Variants in SP140 observed in about 807,000 individuals in gnomAD.
SP140 encodes nuclear body protein SP140.
A neutral mutation model predicts 125.0 loss-of-function variants in SP140; 81 were observed. That is an observed-to-expected ratio of 0.65 (90% CI 0.54 to 0.78). The LOEUF is 0.78. Ranked by LOEUF, SP140 falls within the 30% of genes least tolerant of loss-of-function variation. The pLI, the probability that SP140 is intolerant of heterozygous loss-of-function variation, is 0.00. For synonymous variants in SP140, 312 were observed against 354.0 expected, an observed-to-expected ratio of 0.88 and a Z score of 1.33; for missense variants, 858 against 1,037.0, an observed-to-expected ratio of 0.83 and a Z score of 2.37.
chr2:230,301,006 A>T (rs1467039584), intron 22 of SP140, among the ~76,000 whole-genome samples: 1 of 152,224 alleles, frequency 6.6e-6, no homozygotes, highest in Non-Finnish European at 1.5e-5. Context: ...AATACAAAAT[A>T]CACTGGCAAG....
chr2:230,283,701 T>C (rs1222940917), intron 15 of SP140, among the ~76,000 whole-genome samples: 1 of 152,146 alleles, frequency 6.6e-6, no homozygotes, highest in East Asian at 1.9e-4. Context: ...ATCAGTGCAC[T>C]GTGGAGTCAC....
Position 230,312,044 on chromosome 2 carries a change from A to G in SP140, c.2505+449A>G, listed in dbSNP as rs565489831. ...TGACAGAGAAAGGAACAGATCAGTG[A>G]TCTTACCTTATACCCTTCCACTATC... is the stretch of plus-strand genomic sequence containing the variant. On this transcript the variant is annotated intron_variant, in intron 26 of 26. Coordinates refer to ENST00000392045, the MANE Select transcript of SP140 (RefSeq NM_007237.5). 3.9e-5 allele frequency among the ~76,000 whole-genome samples: 6 copies of G among 152,318 alleles called. No homozygotes were observed. In the South Asian group the frequency reaches 1.0e-3, roughly 26 times the overall value.
At chr2:230,266,061 A>C (rs2149327351) in intron 12 of SP140, among the ~76,000 whole-genome samples, 1 of 152,284 alleles carries the variant, frequency 6.6e-6, no homozygotes, top group African/African-American at 2.4e-5. Flanking sequence ...TATTTGGGTC[A>C]AATGTAGGGA....
chr2:230,263,201 C>T (rs369823028), intron 12 of SP140, among the ~76,000 whole-genome samples: 23 of 152,140 alleles, frequency 1.5e-4, no homozygotes, highest in African/African-American at 4.1e-4. Context: ...GGCTTTTTAC[C>T]GTTGTATAAT....
chr2:230,285,424 A>G (rs980659341), intron 16 of SP140, among the ~76,000 whole-genome samples: 1 of 152,208 alleles, frequency 6.6e-6, no homozygotes, highest in Non-Finnish European at 1.5e-5. Flanking sequence ...AAGAAAAAAA[A>G]GTGGCTGCGT....
chr2:230,296,247 TA>T lies in SP140; in HGVS notation c.2017-1167del, dbSNP rs533959382. On this transcript the variant is annotated intron_variant, in intron 21 of 26. Coordinates refer to ENST00000392045, the MANE Select transcript of SP140 (RefSeq NM_007237.5). ...CTGAGTGAGACTCTGTCTCAAAAAA[TA>T]AAAAAAGTTTTAAATTTATTGTCAA... Among the ~76,000 whole-genome samples, 3 of 152,098 alleles carry T rather than the reference TA, an allele frequency of 2.0e-5. No individual in the cohort carries two copies. The East Asian group carries it at 5.8e-4, about 29-fold the overall frequency.
At chr2:230,218,479 G>T (rs2045476692) in intron 3 of SP140, among the ~76,000 whole-genome samples, 1 of 152,168 alleles carries the variant, frequency 6.6e-6, no homozygotes, top group South Asian at 2.1e-4. Flanking sequence ...ATATGCACAG[G>T]GGAAGGAGAT....
intron 20 of SP140, among the ~76,000 whole-genome samples, chr2:230,293,157 G>A (rs1320766820): frequency 6.6e-6 from 1 of 152,154 alleles, no homozygotes; most frequent in Admixed American, 6.5e-5. Context: ...CAGAACCATG[G>A]CAAAAGTAGC....
chr2:230,192,974 T>C, the SP140 span, among the ~76,000 whole-genome samples: 1 of 152,194 alleles, frequency 6.6e-6, no homozygotes, highest in Admixed American at 6.5e-5. Flanking sequence ...TATTATTGTG[T>C]TGTTGTCTTA....
chr2:230,230,173 TA>T (rs993419326), intron 1 of SP140, among the ~76,000 whole-genome samples: 7 of 152,138 alleles, frequency 4.6e-5, no homozygotes, highest in African/African-American at 1.4e-4. Flanking sequence ...CTAGGCTTTT[TA>T]AAGGATAGTT....
intron 2 of SP140, 62 bp from the exon 3 acceptor site, chr2:230,238,151 C>A: frequency 1.6e-6 from 2 of 1,237,052 alleles, no homozygotes; most frequent in Non-Finnish European, 2.3e-6. Context: ...TATCTACAAC[C>A]TAAAAGTCTT....
the SP140 span, among the ~76,000 whole-genome samples, chr2:230,196,689 C>T: frequency 6.6e-6 from 1 of 151,712 alleles, no homozygotes; most frequent in African/African-American, 2.4e-5. Context: ...CTATCCCTCC[C>T]TCCTCCCCGC....
At chr2:230,289,993 G>A (rs1190313500) in intron 18 of SP140, among the ~76,000 whole-genome samples, 2 of 152,088 alleles carry the variant, frequency 1.3e-5, no homozygotes, top group Non-Finnish European at 2.9e-5. Flanking sequence ...AAAATAGAAG[G>A]CAGACATCAT....
chr2:230,189,646 T>C, the SP140 span, among the ~76,000 whole-genome samples: 2 of 152,140 alleles, frequency 1.3e-5, no homozygotes, highest in Non-Finnish European at 2.9e-5. Context: ...GCATGTGCCA[T>C]GGTGGCTTGC....
intron 21 of SP140, among the ~76,000 whole-genome samples, chr2:230,296,190 G>A (rs2057709421): frequency 6.6e-6 from 1 of 152,192 alleles, no homozygotes; most frequent in Non-Finnish European, 1.5e-5. Context: ...GTACTGGGCT[G>A]TGATTTCATC....
chr2:230,253,307 G>A lies in SP140; in HGVS notation c.1058-9G>A, dbSNP rs375361363. 1.9e-5 allele frequency: 30 copies of A among 1,592,472 alleles called. No individual in the cohort carries two copies. In the Middle Eastern group the frequency reaches 5.0e-4, roughly 27 times the overall value. ...GTCTGTGTCCAAGTCACCCTCTGTG[G>A]TCTGTCAGTTTCTTGTTTATCTGCA... On this transcript the variant is annotated splice_polypyrimidine_tract_variant and intron_variant, in intron 10 of 26. Coordinates refer to ENST00000392045, the MANE Select transcript of SP140 (RefSeq NM_007237.5).
chr2:230,267,733 A>C (rs2053343930), intron 12 of SP140, among the ~76,000 whole-genome samples: 1 of 152,260 alleles, frequency 6.6e-6, no homozygotes, highest in Non-Finnish European at 1.5e-5. Context: ...ACTATATTTC[A>C]GTATAAGTGT....
intron 15 of SP140, among the ~76,000 whole-genome samples, chr2:230,275,171 G>A (rs924663112): frequency 6.6e-6 from 1 of 152,196 alleles, no homozygotes; most frequent in South Asian, 2.1e-4. Context: ...GGTTGACTAC[G>A]TGTGTTGTCA....
At chr2:230,274,126 AT>A (rs1193384115) in intron 15 of SP140, among the ~76,000 whole-genome samples, 4 of 149,936 alleles carry the variant, frequency 2.7e-5, no homozygotes, top group African/African-American at 9.9e-5. Context: ...AAAAAAAAAA[AT>A]AGATGTGTGA....
Sources: allele counts gnomAD v4.1 joint callset (sites outside exome capture counted in the v4.1 genomes callset), GRCh38; gene constraint gnomAD v4.1.1; transcripts MANE v1.5; gene names NCBI Gene and HGNC (gene_info 2026-07-23, HGNC 2026-07-21).